Variants in SNTG1 observed in about 807,000 individuals in gnomAD.
SNTG1 encodes the protein gamma-1-syntrophin.
Under a neutral mutation model 74.7 loss-of-function variants are expected in SNTG1, and 39 were observed. The observed-to-expected ratio is 0.52, with a 90% CI of 0.40 to 0.68. The LOEUF is 0.68. Among genes scored for constraint, SNTG1 ranks in the 30% least tolerant of loss-of-function variants. SNTG1 has a pLI of 0.00. For missense variants in SNTG1, 685 were observed against 609.5 expected (o/e 1.12, Z -1.30); for synonymous variants, 254 against 217.1 (o/e 1.17, Z -1.49).
In SNTG1 at chr8:50,450,689, T is replaced by C. The variant is rs749548967; in HGVS notation, c.323T>C (p.Ile108Thr). The change falls in exon 8 of 19, where the codon ATA becomes ACA. Residue 108 changes from isoleucine to threonine, a missense_variant and splice_region_variant. Physicochemically the swap from Ile to Thr is moderately conservative, Grantham distance 89. Transcript: ENST00000642720. ...LLFIGDAILQ[I>T]NGINVRKCRH... ...ACTATGCTTTTCTTTTCATTGCAGATAAATGGCATTAATGTGAGAAAATGT... is the reference window on the plus strand; with the variant it reads ...ACTATGCTTTTCTTTTCATTGCAGACAAATGGCATTAATGTGAGAAAATGT... The C allele has an allele frequency of 1.1e-5, 17 of 1,613,466 alleles. No homozygotes were observed. Among genetic ancestry groups the C allele is most frequent in the Non-Finnish European group, 1.4e-5 (17 of 1,179,750 alleles).
chr8:50,600,200 A>T (rs560462034), intron 13 of SNTG1, among the ~76,000 whole-genome samples: 59 of 152,118 alleles, frequency 3.9e-4, no homozygotes, highest in Admixed American at 3.9e-3. Flanking sequence ...ATTTGCGTTG[A>T]CAGTATTTTG....
intron 13 of SNTG1, among the ~76,000 whole-genome samples, chr8:50,630,387 G>A (rs1270778157): frequency 1.3e-5 from 2 of 152,156 alleles, no homozygotes; most frequent in African/African-American, 4.8e-5. Flanking sequence ...GTGTGATAAA[G>A]GCAGCCTAAT....
chr8:50,683,171 A>G (rs1325132787), intron 15 of SNTG1, among the ~76,000 whole-genome samples: 1 of 152,132 alleles, frequency 6.6e-6, no homozygotes, highest in Non-Finnish European at 1.5e-5. Context: ...CTTGCAATCC[A>G]TTTTTTGGTT....
intron 2 of SNTG1, among the ~76,000 whole-genome samples, chr8:50,297,591 C>A (rs1401191246): frequency 6.6e-6 from 1 of 152,008 alleles, no homozygotes; most frequent in African/African-American, 2.4e-5. Context: ...TCCAGATGGC[C>A]CCTAAGTGCC....
chr8:50,491,737 T>C (rs2093856323), intron 8 of SNTG1, among the ~76,000 whole-genome samples: 1 of 148,632 alleles, frequency 6.7e-6, no homozygotes, highest in Admixed American at 6.7e-5. Flanking sequence ...TTATTTATTT[T>C]ACTTTAAGTT....
At chr8:50,443,227 A>G (rs1365720551) in intron 5 of SNTG1, among the ~76,000 whole-genome samples, 1 of 152,164 alleles carries the variant, frequency 6.6e-6, no homozygotes, top group African/African-American at 2.4e-5. Flanking sequence ...TTTAAAATTC[A>G]ATACTATCTA....
chr8:49,941,531 T>TTATA lies in SNTG1; in HGVS notation c.-103+29314_-103+29317dup, dbSNP rs34245758. Among the ~76,000 whole-genome samples, 417 of 146,964 alleles carry TTATA rather than the reference T, an allele frequency of 2.8e-3. 3 individuals carry two copies. The highest frequency in any genetic ancestry group is 9.7e-3 in the African/African-American group (393 of 40,532). On this transcript the variant is annotated intron_variant, in intron 1 of 18. Transcript: ENST00000642720. ...ATATATTATATATTTACATTAACTT[T>TTATA]TATATATATATATATATGCATATTT... is the stretch of plus-strand genomic sequence containing the variant.
chr8:49,940,032 T>G (rs1808541324), intron 1 of SNTG1, among the ~76,000 whole-genome samples: 1 of 152,190 alleles, frequency 6.6e-6, no homozygotes, highest in South Asian at 2.1e-4. Flanking sequence ...ATGAGATGAT[T>G]TCTTGGCTTC....
intron 13 of SNTG1, among the ~76,000 whole-genome samples, chr8:50,617,175 C>T (rs1192606043): frequency 2.0e-5 from 3 of 152,138 alleles, no homozygotes; most frequent in Non-Finnish European, 4.4e-5. Context: ...AGTATACATC[C>T]ATTTACTCCT....
At chr8:50,053,839 A>T (rs1819795861) in intron 1 of SNTG1, among the ~76,000 whole-genome samples, 1 of 151,824 alleles carries the variant, frequency 6.6e-6, no homozygotes, top group South Asian at 2.1e-4. Context: ...GCTAAACTTC[A>T]TTTTTCTGAT....
intron 1 of SNTG1, among the ~76,000 whole-genome samples, chr8:50,162,929 C>T (rs16914351): frequency 0.02 from 3,111 of 152,260 alleles, 102 homozygotes; most frequent in African/African-American, 0.068. Flanking sequence ...AAGGCACAGC[C>T]GAGATCACCA....
At chr8:50,495,169 A>G (rs1585458293) in intron 8 of SNTG1, among the ~76,000 whole-genome samples, 2 of 152,100 alleles carry the variant, frequency 1.3e-5, no homozygotes, top group East Asian at 1.9e-4. Context: ...GGGACTTTTC[A>G]TTTTAAACGA....
chr8:50,655,330 A>G (rs946293143), intron 13 of SNTG1, among the ~76,000 whole-genome samples: 3 of 152,156 alleles, frequency 2.0e-5, no homozygotes, highest in Non-Finnish European at 4.4e-5. Flanking sequence ...TACCTTTTCA[A>G]AACTGTGTTG....
At chr8:49,948,864 G>A (rs950957599) in intron 1 of SNTG1, among the ~76,000 whole-genome samples, 1 of 152,164 alleles carries the variant, frequency 6.6e-6, no homozygotes, top group Admixed American at 6.5e-5. Flanking sequence ...AAATTCCTAA[G>A]AGCCCCCGGG....
chr8:50,168,188 A>G (rs2131634021), intron 1 of SNTG1, among the ~76,000 whole-genome samples: 1 of 152,278 alleles, frequency 6.6e-6, no homozygotes, highest in African/African-American at 2.4e-5. Flanking sequence ...AAATCTACAC[A>G]TCTTTAGGAA....
At chr8:50,078,157 T>C (rs1353690716) in intron 1 of SNTG1, among the ~76,000 whole-genome samples, 1 of 152,222 alleles carries the variant, frequency 6.6e-6, no homozygotes, top group Non-Finnish European at 1.5e-5. Flanking sequence ...CTTTAGAGAA[T>C]ACAACACTAT....
At chr8:50,664,825 T>C (rs1294444592) in intron 15 of SNTG1, among the ~76,000 whole-genome samples, 1 of 152,092 alleles carries the variant, frequency 6.6e-6, no homozygotes, top group Non-Finnish European at 1.5e-5. Context: ...ATGGGGAACA[T>C]AGAGGAGTAG....
intron 2 of SNTG1, among the ~76,000 whole-genome samples, chr8:50,372,990 A>G (rs2131164071): frequency 6.6e-6 from 1 of 152,322 alleles, no homozygotes; most frequent in East Asian, 1.9e-4. Flanking sequence ...CCATCTGTCC[A>G]AGCAGTATAA....
chr8:50,235,550 T>G (rs1386825075), intron 2 of SNTG1, among the ~76,000 whole-genome samples: 3 of 152,148 alleles, frequency 2.0e-5, no homozygotes, highest in Non-Finnish European at 4.4e-5. Flanking sequence ...CAGTGATCTG[T>G]GAGTGAGTGG....
Sources: gnomAD v4.1 joint callset for allele counts (sites outside exome capture counted in the v4.1 genomes callset) on GRCh38, gnomAD v4.1.1 for gene constraint, MANE v1.5 for transcripts, NCBI Gene and HGNC (gene_info 2026-07-23, HGNC 2026-07-21) for gene names.